CCSER1: variants seen among roughly 807,000 people sequenced by gnomAD.
CCSER1 encodes serine-rich coiled-coil domain-containing protein 1.
In CCSER1, 41 loss-of-function variants were observed where a neutral mutation model predicts 82.0. The ratio of observed to expected loss-of-function variants is 0.50; its 90% confidence interval spans 0.39 to 0.65. The LOEUF (loss-of-function observed/expected upper bound fraction) is 0.65. Ranked by LOEUF, CCSER1 falls within the 30% of genes least tolerant of loss-of-function variation. The pLI is 0.00. For missense variants in CCSER1, 1,119 were observed against 1,064.2 expected (o/e 1.05, Z -0.72); for synonymous variants, 414 against 383.9 (o/e 1.08, Z -0.92).
At chr4:91,036,685 T>A (rs1741459402) in intron 9 of CCSER1, among the ~76,000 whole-genome samples, 1 of 152,150 alleles carries the variant, frequency 6.6e-6, no homozygotes, top group African/African-American at 2.4e-5. Flanking sequence ...ATAGATACAT[T>A]TTTCCTTTAA....
intron 9 of CCSER1, among the ~76,000 whole-genome samples, chr4:91,059,773 AT>A (rs1236794174): frequency 6.6e-6 from 1 of 151,860 alleles, no homozygotes; most frequent in African/African-American, 2.4e-5. Context: ...TATTTGGCAC[AT>A]TTTTTTCCAA....
chr4:91,127,445 G>A (rs1373821805), intron 10 of CCSER1, among the ~76,000 whole-genome samples: 1 of 152,060 alleles, frequency 6.6e-6, no homozygotes, highest in Non-Finnish European at 1.5e-5. Flanking sequence ...ACAAGCTTAA[G>A]TATTATCATT....
chr4:90,736,743 A>G lies in CCSER1; in HGVS notation c.2010+12752A>G, dbSNP rs114053692. 6.1e-3 allele frequency among the ~76,000 whole-genome samples: 921 copies of G among 151,648 alleles called. 12 individuals are homozygous for G. Among genetic ancestry groups the G allele is most frequent in the African/African-American group, 0.021 (879 of 41,378 alleles). ...TAAGGACTTACTCCTACTTACTCCT[A>G]TTTTGTTTTCTGGTTGTTTTTTCCT... is the stretch of plus-strand genomic sequence containing the variant. On this transcript the variant is annotated intron_variant, in intron 7 of 10. Coordinates refer to ENST00000509176, the MANE Select transcript of CCSER1 (RefSeq NM_001145065.2).
intron 5 of CCSER1, among the ~76,000 whole-genome samples, chr4:90,565,651 T>C (rs1779277212): frequency 6.6e-6 from 1 of 152,208 alleles, no homozygotes; most frequent in Non-Finnish European, 1.5e-5. Flanking sequence ...GTTTGTCATA[T>C]ATGATTTTTA....
chr4:90,639,430 T>C (rs1220055328), intron 6 of CCSER1, among the ~76,000 whole-genome samples: 1 of 152,114 alleles, frequency 6.6e-6, no homozygotes, highest in East Asian at 1.9e-4. Flanking sequence ...CACATTTGAC[T>C]TGACACCACT....
intron 10 of CCSER1, among the ~76,000 whole-genome samples, chr4:91,345,917 A>C (rs1206345295): frequency 6.6e-6 from 1 of 152,128 alleles, no homozygotes; most frequent in East Asian, 1.9e-4. Context: ...CTAAAATGAC[A>C]TATTGTTGAA....
At position 91,407,096 on chromosome 4, in the gene CCSER1, T is replaced by G. The variant is rs912133263; in HGVS notation, c.2218-191476T>G. On this transcript the variant is annotated intron_variant, in intron 10 of 10. Transcript: ENST00000509176. ...CACACCTATTGAGTTTTCAGAGCAG[T>G]TTCATATCAATAAATTTGTTCTTGC... is the stretch of plus-strand genomic sequence containing the variant. 2.6e-5 allele frequency among the ~76,000 whole-genome samples: 4 copies of G among 152,272 alleles called. No homozygotes were observed. In the East Asian group the frequency reaches 5.8e-4, roughly 22 times the overall value.
rs1179338060 is a variant in CCSER1 at position 90,692,694 on chromosome 4, C to T, written c.1933-31220C>T. 4.8e-5 allele frequency among the ~76,000 whole-genome samples: 7 copies of T among 145,822 alleles called. No homozygotes were observed. In the Admixed American group the frequency reaches 4.9e-4, roughly 10 times the overall value. On this transcript the variant is annotated intron_variant, in intron 6 of 10. Coordinates refer to ENST00000509176, the MANE Select transcript of CCSER1 (RefSeq NM_001145065.2). ...TAACATAATTAGAATAATTCAATAC[C>T]ATGAACACATTAATCAAAATAGGTT...
At chr4:91,151,090 A>G (rs541961934) in intron 10 of CCSER1, among the ~76,000 whole-genome samples, 6 of 152,136 alleles carry the variant, frequency 3.9e-5, no homozygotes, top group East Asian at 1.9e-4. Flanking sequence ...CTGTGAATCT[A>G]TCTGGTCCTG....
chr4:90,246,377 G>T (rs562065035), intron 1 of CCSER1, among the ~76,000 whole-genome samples: 177 of 152,110 alleles, frequency 1.2e-3, no homozygotes, highest in African/African-American at 4.1e-3. Context: ...CATTTTTAGT[G>T]CCTTGCTGAC....
intron 3 of CCSER1, among the ~76,000 whole-genome samples, chr4:90,385,798 T>C (rs548804352): frequency 6.6e-6 from 1 of 152,310 alleles, no homozygotes; most frequent in Admixed American, 6.5e-5. Context: ...TTTTGAAAAA[T>C]GTCTATTCAT....
chr4:90,784,271 C>T (rs1418594762), intron 7 of CCSER1, among the ~76,000 whole-genome samples: 1 of 152,148 alleles, frequency 6.6e-6, no homozygotes, highest in African/African-American at 2.4e-5. Flanking sequence ...TGTCTTTTCC[C>T]CATCATCCTG....
chr4:91,369,661 C>CTTTTTT (rs573494038), intron 10 of CCSER1, among the ~76,000 whole-genome samples: 1 of 73,418 alleles, frequency 1.4e-5, no homozygotes, highest in Non-Finnish European at 2.4e-5. Flanking sequence ...TAATCTGTAG[C>CTTTTTT]TTTTTTTTTT....
At chr4:90,286,851 G>A (rs931720010) in intron 1 of CCSER1, among the ~76,000 whole-genome samples, 1 of 151,934 alleles carries the variant, frequency 6.6e-6, no homozygotes, top group Admixed American at 6.6e-5. Flanking sequence ...TCACCCTGTG[G>A]CCTGTCTTCA....
chr4:91,147,356 T>C (rs1004653494), intron 10 of CCSER1, among the ~76,000 whole-genome samples: 1 of 152,182 alleles, frequency 6.6e-6, no homozygotes, highest in South Asian at 2.1e-4. Flanking sequence ...GCTACGTTTT[T>C]CCACAGACTT....
At chr4:90,261,225 A>G (rs1034495764) in intron 1 of CCSER1, among the ~76,000 whole-genome samples, 6 of 150,528 alleles carry the variant, frequency 4.0e-5, no homozygotes, top group Admixed American at 2.0e-4. Flanking sequence ...AGGAGGTTCT[A>G]TTTTGGTGCA....
At chr4:90,342,038 T>C (rs1741469582) in intron 3 of CCSER1, among the ~76,000 whole-genome samples, 1 of 152,166 alleles carries the variant, frequency 6.6e-6, no homozygotes, top group Non-Finnish European at 1.5e-5. Flanking sequence ...TATCTTTACT[T>C]CCAGAAGAAA....
chr4:91,328,264 C>A (rs1746703090), intron 10 of CCSER1, among the ~76,000 whole-genome samples: 1 of 152,174 alleles, frequency 6.6e-6, no homozygotes. Flanking sequence ...TTAATTGACT[C>A]ACAGTTACAC....
chr4:90,691,607 ATCACATGTATATATG>A (rs1735945952), intron 6 of CCSER1, among the ~76,000 whole-genome samples: 2 of 137,446 alleles, frequency 1.5e-5, no homozygotes, highest in Non-Finnish European at 3.3e-5. Context: ...ATGTGTATAT[ATCACATGTATATATG>A]TGTATGTATA....
Sources: gnomAD v4.1 joint callset for allele counts (sites outside exome capture counted in the v4.1 genomes callset) on GRCh38, gnomAD v4.1.1 for gene constraint, MANE v1.5 for transcripts, NCBI Gene and HGNC (gene_info 2026-07-23, HGNC 2026-07-21) for gene names.